The following KLF12 variants were observed in gnomAD, a reference collection of about 807,000 sequenced individuals.
The protein encoded by KLF12 is KLF transcription factor 12.
A neutral mutation model predicts 37.8 loss-of-function variants in KLF12; 9 were observed. The ratio of observed to expected loss-of-function variants is 0.24; its 90% CI spans 0.14 to 0.42. The LOEUF is 0.42. Ranked by LOEUF, KLF12 falls within the 10% of genes least tolerant of loss-of-function variation. The pLI is 1.00. For synonymous variants in KLF12, 208 were observed against 202.1 expected, an observed-to-expected ratio of 1.03 and a Z score of -0.25; for missense variants, 411 against 516.0, an observed-to-expected ratio of 0.80 and a Z score of 1.97.
At chr13:73,941,620 A>G (rs1192885999) in intron 3 of KLF12, among the ~76,000 whole-genome samples, 2 of 152,236 alleles carry the variant, frequency 1.3e-5, no homozygotes, top group Non-Finnish European at 2.9e-5. Context: ...TTCTCAATGA[A>G]AAACCCAGCA....
chr13:74,175,490 T>C, the KLF12 span, among the ~76,000 whole-genome samples: 1 of 152,222 alleles, frequency 6.6e-6, no homozygotes, highest in African/African-American at 2.4e-5. Context: ...TAAGTTGATA[T>C]TCTGAGCTTT....
chr13:73,793,967 G>A (rs553025297), intron 5 of KLF12, among the ~76,000 whole-genome samples: 1 of 152,196 alleles, frequency 6.6e-6, no homozygotes, highest in African/African-American at 2.4e-5. Context: ...TTGATAAATC[G>A]CTAACTCATT....
intron 2 of KLF12, among the ~76,000 whole-genome samples, chr13:73,971,052 T>G (rs1891321964): frequency 6.6e-6 from 1 of 152,150 alleles, no homozygotes; most frequent in African/African-American, 2.4e-5. Context: ...GATTTTTAAG[T>G]GTTAAAATAT....
In KLF12 at chr13:73,695,149, T is replaced by C. The variant is rs964582986; in HGVS notation, c.*341A>G. On this transcript the variant is annotated 3_prime_UTR_variant, in exon 8 of 8. Transcript: ENST00000377669. Reference sequence around the variant, plus strand: ...GCTCTAGCCATCAATTTGTGGTAGGTGACCTTTAAGGTATCAATAACAAAA... The same window carrying C: ...GCTCTAGCCATCAATTTGTGGTAGGCGACCTTTAAGGTATCAATAACAAAA... The C allele has an allele frequency of 1.4e-5, 3 of 217,682 alleles. No individual in the cohort carries two copies. Among genetic ancestry groups the C allele is most frequent in the Admixed American group, 5.3e-5 (1 of 18,714 alleles). The allele number at this position is 217,682 out of a possible 1,614,324, so 13.5% of individuals were successfully genotyped here.
chr13:74,212,079 A>G, the KLF12 span, among the ~76,000 whole-genome samples: 5 of 152,316 alleles, frequency 3.3e-5, no homozygotes, highest in South Asian at 1.0e-3. Flanking sequence ...GTAATGAGTG[A>G]AGACTGTACT....
intron 3 of KLF12, among the ~76,000 whole-genome samples, chr13:73,923,111 C>T: frequency 6.6e-6 from 1 of 152,102 alleles, no homozygotes; most frequent in East Asian, 1.9e-4. Flanking sequence ...ATATTTTAAA[C>T]AGTTCAAGTA....
rs1409133380 is a variant in KLF12 at position 73,688,113 on chromosome 13, C to G, written c.*7377G>C. On this transcript the variant is annotated 3_prime_UTR_variant, in exon 8 of 8. Coordinates refer to ENST00000377669, the MANE Select transcript of KLF12 (RefSeq NM_007249.5). ...GATAATAATTCAGGAGATTCATTTT[C>G]AGAAACAGAAACACTATGAGAAATG... The G allele has an allele frequency of 6.6e-6, 1 of 152,554 alleles. No individual in the cohort carries two copies. The highest frequency in any genetic ancestry group is 1.9e-4 in the East Asian group (1 of 5,188). The allele number at this position is 152,554 out of a possible 1,614,324, so 9.5% of individuals were successfully genotyped here. A position where few individuals can be genotyped will look rare whatever the true frequency, so the allele number is the denominator to read the frequency against.
At chr13:74,256,865 C>G in the KLF12 span, 1 of 152,220 alleles carries the variant, frequency 6.6e-6, no homozygotes, top group Non-Finnish European at 1.5e-5. Context: ...TTTTGTGTCA[C>G]TGTCCCTGAA....
intron 1 of KLF12, among the ~76,000 whole-genome samples, chr13:74,067,659 G>C (rs889535232): frequency 2.0e-5 from 3 of 151,832 alleles, no homozygotes; most frequent in African/African-American, 7.3e-5. Flanking sequence ...CACTCTACTT[G>C]GTAGCAATCA....
At chr13:74,164,959 G>T in the KLF12 span, among the ~76,000 whole-genome samples, 1 of 152,266 alleles carries the variant, frequency 6.6e-6, no homozygotes, top group African/African-American at 2.4e-5. Flanking sequence ...AATATAGTTA[G>T]ATAGAATGAA....
chr13:74,248,512 T>A, the KLF12 span, among the ~76,000 whole-genome samples: 1 of 152,230 alleles, frequency 6.6e-6, no homozygotes, highest in Non-Finnish European at 1.5e-5. Context: ...CATCAACTAA[T>A]ATAATTTCAG....
intron 7 of KLF12, among the ~76,000 whole-genome samples, chr13:73,700,211 G>A (rs1406314523): frequency 6.6e-6 from 1 of 152,002 alleles, no homozygotes; most frequent in Non-Finnish European, 1.5e-5. Context: ...AGGTTGCAGT[G>A]AGCTGAGATG....
At chr13:74,158,006 A>C in the KLF12 span, among the ~76,000 whole-genome samples, 1 of 152,132 alleles carries the variant, frequency 6.6e-6, no homozygotes, top group Non-Finnish European at 1.5e-5. Flanking sequence ...GCTTATTCTC[A>C]CGCAAATTTA....
the KLF12 span, among the ~76,000 whole-genome samples, chr13:74,271,151 A>G: frequency 6.6e-6 from 1 of 152,122 alleles, no homozygotes; most frequent in Non-Finnish European, 1.5e-5. Context: ...GAATCTAACT[A>G]ATGCCTGATG....
chr13:73,935,439 C>A (rs1030214901), intron 3 of KLF12, among the ~76,000 whole-genome samples: 2 of 152,058 alleles, frequency 1.3e-5, no homozygotes, highest in South Asian at 2.1e-4. Context: ...TGTTGAAATG[C>A]GACCTCCAAT....
chr13:73,953,769 C>T (rs1226325549), intron 2 of KLF12, among the ~76,000 whole-genome samples: 12 of 151,806 alleles, frequency 7.9e-5, no homozygotes, highest in Non-Finnish European at 1.6e-4. Context: ...TCCTGCATAG[C>T]CTGGAAAAAA....
At chr13:73,910,733 C>T (rs1191865589) in intron 3 of KLF12, among the ~76,000 whole-genome samples, 3 of 151,970 alleles carry the variant, frequency 2.0e-5, no homozygotes, top group Non-Finnish European at 4.4e-5. Context: ...AATATTTGTC[C>T]CCTCCAAAAC....
intron 1 of KLF12, among the ~76,000 whole-genome samples, chr13:74,061,548 A>AT (rs1310721713): frequency 6.6e-6 from 1 of 152,184 alleles, no homozygotes; most frequent in African/African-American, 2.4e-5. Flanking sequence ...GAGACCACAG[A>AT]TAAAAAAAAC....
intron 2 of KLF12, among the ~76,000 whole-genome samples, chr13:73,977,976 C>G (rs9600208): frequency 0.048 from 7,322 of 152,274 alleles, 375 homozygotes; most frequent in African/African-American, 0.13. Context: ...TAACTCCAAA[C>G]AGATCACAGA....
Sources: allele counts gnomAD v4.1 joint callset (sites outside exome capture counted in the v4.1 genomes callset), GRCh38; gene constraint gnomAD v4.1.1; transcripts MANE v1.5; gene names NCBI Gene and HGNC (gene_info 2026-07-23, HGNC 2026-07-21).